Variants in ZNF783 observed in about 807,000 individuals in gnomAD.
The protein encoded by ZNF783 is protein ZNF783.
In ZNF783, 25 loss-of-function variants were observed where a neutral mutation model predicts 31.3. The observed-to-expected ratio is 0.80, with a 90% CI of 0.58 to 1.11. The LOEUF is 1.11. ZNF783 is among the 50% of genes most tolerant of loss of function. The pLI is 0.00. For synonymous variants in ZNF783, 369 were observed against 319.1 expected, an observed-to-expected ratio of 1.16 and a Z score of -1.66; for missense variants, 797 against 760.0, an observed-to-expected ratio of 1.05 and a Z score of -0.57.
intron 4 of ZNF783, among the ~76,000 whole-genome samples, chr7:149,268,605 C>T (rs1797141744): frequency 6.6e-6 from 1 of 152,198 alleles, no homozygotes; most frequent in Admixed American, 6.5e-5. Context: ...CTCTCTTTCC[C>T]TTCCCCCTGT....
chr7:149,263,300 G>A (rs968160408), intron 1 of ZNF783, among the ~76,000 whole-genome samples: 4,473 of 74,146 alleles, frequency 0.06, 147 homozygotes, highest in African/African-American at 0.14. Context: ...GTGTGTGTGT[G>A]TGTGTATATA....
At position 149,262,245 on chromosome 7, in the gene ZNF783, C is replaced by T. The variant is rs932388128; in HGVS notation, c.-89C>T. ...CAGTAGCTCTCAGGTTAGGCGGGTC[C>T]CGCTCCGCTTCCGCCGTCGCTGCCG... On this transcript the variant is annotated 5_prime_UTR_variant, in exon 1 of 6. Transcript: ENST00000434415. The T allele has an allele frequency of 6.5e-6, 8 of 1,228,470 alleles. No individual in the cohort carries two copies. The African/African-American group carries it at 8.0e-5, about 12-fold the overall frequency. The allele number at this position is 1,228,470 out of a possible 1,614,324, so 76.1% of individuals were successfully genotyped here.
Position 149,266,382 on chromosome 7 carries a change from C to G in ZNF783, c.72C>G (p.Pro24=). The G allele has an allele frequency of 6.3e-7, 1 of 1,599,150 alleles. No individual in the cohort carries two copies. Among genetic ancestry groups the G allele is most frequent in the South Asian group, 1.1e-5 (1 of 90,942 alleles). The change falls in exon 2 of 6, where the codon CCC becomes CCG. Residue 24 remains proline, a synonymous_variant. Transcript: ENST00000434415. ...CAGAGGACCAGAGTCCTTCGACACC[C>G]TTGCCCCAGCCAGCTGCTGAGAAGA... The part of the protein sequence containing the change: ...KHTEDQSPST[P]LPQPAAEKNS...
intron 4 of ZNF783, 39 bp downstream of exon 4, chr7:149,267,261 G>A (rs769696600): frequency 2.0e-5 from 31 of 1,548,236 alleles, no homozygotes; most frequent in Non-Finnish European, 2.7e-5. Context: ...GGGCCGCCAG[G>A]GGCTAGCTGC....
In ZNF783 at chr7:149,262,333, C is replaced by T; in HGVS notation, c.-1C>T. On this transcript the variant is annotated 5_prime_UTR_variant, in exon 1 of 6. Coordinates refer to ENST00000434415, the MANE Select transcript of ZNF783 (RefSeq NM_001195220.2). Reference sequence around the variant, plus strand: ...CAACCCAGCGAGGGACGCGGGCAGCCATGGCCGAAGCGGCGCCTGCCCGGG... The same window carrying T: ...CAACCCAGCGAGGGACGCGGGCAGCTATGGCCGAAGCGGCGCCTGCCCGGG... 1 of 1,344,926 alleles carries T rather than the reference C, an allele frequency of 7.4e-7. No individual in the cohort carries two copies. The highest frequency in any genetic ancestry group is 1.7e-5 in the South Asian group (1 of 58,352). 83.3% of individuals were successfully genotyped at this position (1,344,926 alleles called of 1,614,324 possible). A position where few individuals can be genotyped will look rare whatever the true frequency, so the allele number is the denominator to read the frequency against.
At chr7:149,275,954 A>G (rs7791860) in intron 4 of ZNF783, 12,508 of 152,248 alleles carry the variant, frequency 0.082, 542 homozygotes, top group African/African-American at 0.11. Flanking sequence ...GAGTCGTGCA[A>G]TCATAGCTTA....
chr7:149,264,203 C>T (rs1797006323), intron 1 of ZNF783, among the ~76,000 whole-genome samples: 1 of 152,236 alleles, frequency 6.6e-6, no homozygotes, highest in African/African-American at 2.4e-5. Context: ...TTCATCTTCA[C>T]TGTACATTTA....
intron 4 of ZNF783, among the ~76,000 whole-genome samples, chr7:149,273,627 C>T (rs1797260059): frequency 6.6e-6 from 1 of 151,894 alleles, no homozygotes; most frequent in Non-Finnish European, 1.5e-5. Context: ...CTCACTGCAC[C>T]CGATTTCCTG....
At chr7:149,262,799 C>T (rs879668468) in intron 1 of ZNF783, among the ~76,000 whole-genome samples, 1 of 152,240 alleles carries the variant, frequency 6.6e-6, no homozygotes, top group Non-Finnish European at 1.5e-5. Flanking sequence ...AGCCTCACGC[C>T]GGGGCAGGGA....
Position 149,284,949 on chromosome 7 carries a change from C to G in ZNF783, c.*2606C>G, listed in dbSNP as rs890873390. 6.6e-6 allele frequency: 1 copy of G among 152,596 alleles called. No individual in the cohort carries two copies. Among genetic ancestry groups the G allele is most frequent in the Admixed American group, 6.5e-5 (1 of 15,294 alleles). The allele number at this position is 152,596 out of a possible 1,614,324, so 9.5% of individuals were successfully genotyped here. On this transcript the variant is annotated 3_prime_UTR_variant, in exon 6 of 6. Transcript: ENST00000434415. ...CAAGAGAACTGTGAAGGTGGTAGTC[C>G]CTTGCCCTAATTGGTGCTCAATAAA...
intron 4 of ZNF783, among the ~76,000 whole-genome samples, chr7:149,269,142 G>T (rs1408204479): frequency 4.6e-5 from 7 of 152,134 alleles, no homozygotes; most frequent in Admixed American, 4.6e-4. Flanking sequence ...TTGCCATTCT[G>T]ACTGGTGTGA....
At chr7:149,274,297 T>C (rs949402175) in intron 4 of ZNF783, among the ~76,000 whole-genome samples, 3 of 152,158 alleles carry the variant, frequency 2.0e-5, no homozygotes, top group African/African-American at 7.2e-5. Flanking sequence ...GGATATTCAG[T>C]TTTCCTGGCA....
chr7:149,263,272 G>A (rs1796981878), intron 1 of ZNF783, among the ~76,000 whole-genome samples: 1 of 51,078 alleles, frequency 2.0e-5, no homozygotes, highest in Admixed American at 2.0e-4. Flanking sequence ...ATACGTGTGT[G>A]TGTGTGTGTG....
intron 4 of ZNF783, chr7:149,275,888 T>C (rs550085644): frequency 6.6e-6 from 1 of 152,294 alleles, no homozygotes; most frequent in African/African-American, 2.4e-5. Flanking sequence ...CCTCCCAATA[T>C]TTAAAAAATT....
chr7:149,267,325 G>C, intron 4 of ZNF783, 103 bp downstream of exon 4: 1 of 1,453,552 alleles, frequency 6.9e-7, no homozygotes, highest in South Asian at 1.4e-5. Context: ...CAGGAAGGGA[G>C]CATAGACCAT....
In ZNF783 at chr7:149,283,471, C is replaced by T. The variant is rs1344232940; in HGVS notation, c.*1128C>T. 1 of 152,246 alleles carries T rather than the reference C, an allele frequency of 6.6e-6. No individual in the cohort carries two copies. Among genetic ancestry groups the T allele is most frequent in the African/African-American group, 2.4e-5 (1 of 41,434 alleles). 9.4% of individuals were successfully genotyped at this position (152,246 alleles called of 1,614,324 possible). On this transcript the variant is annotated 3_prime_UTR_variant, in exon 6 of 6. Coordinates refer to ENST00000434415, the MANE Select transcript of ZNF783 (RefSeq NM_001195220.2). ...CACGTCTCCCCAAGGGCTCAGTGTTCATGGGTGTGTAAGATCCATTGACTG... is the reference window on the plus strand; with the variant it reads ...CACGTCTCCCCAAGGGCTCAGTGTTTATGGGTGTGTAAGATCCATTGACTG...
rs750780039 is a variant in ZNF783 at position 149,266,375 on chromosome 7, C to T, written c.65C>T (p.Ser22Leu). Residue 22 changes from serine (S) to leucine (L), a missense_variant, in exon 2 of 6, where the codon TCG (serine) becomes TTG (leucine). Physicochemically the swap from Ser to Leu is moderately radical, Grantham distance 145 (BLOSUM62 -2). Coordinates refer to ENST00000434415, the MANE Select transcript of ZNF783 (RefSeq NM_001195220.2). ...TDKHTEDQSP[S>L]TPLPQPAAEK... ...AAGCACACAGAGGACCAGAGTCCTTCGACACCCTTGCCCCAGCCAGCTGCT... is the reference window on the plus strand; with the variant it reads ...AAGCACACAGAGGACCAGAGTCCTTTGACACCCTTGCCCCAGCCAGCTGCT... The T allele has an allele frequency of 2.5e-5, 40 of 1,597,722 alleles. 1 individual carries two copies. Among genetic ancestry groups the T allele is most frequent in the South Asian group, 6.6e-5 (6 of 90,710 alleles).
At chr7:149,270,278 G>A (rs978154457) in intron 4 of ZNF783, among the ~76,000 whole-genome samples, 1 of 152,104 alleles carries the variant, frequency 6.6e-6, no homozygotes, top group Non-Finnish European at 1.5e-5. Context: ...ACAGGTGCAC[G>A]CCACCATATC....
In ZNF783 at chr7:149,267,130, G is replaced by A. The variant is rs764676867; in HGVS notation, c.581G>A (p.Arg194Gln). ...YAISKPDILT[R>Q]IERGEEPCLD... ...ATCTCCAAACCAGACATCCTCACCC[G>A]GATAGAGAGGGGAGAGGAGCCTTGT... Residue 194 changes from arginine (R) to glutamine (Q), a missense_variant, in exon 4 of 6, where the codon CGG becomes CAG. By Grantham distance (43) the Arg-to-Gln change is conservative. Coordinates refer to ENST00000434415, the MANE Select transcript of ZNF783 (RefSeq NM_001195220.2). The A allele has an allele frequency of 1.8e-5, 28 of 1,599,524 alleles. No individual in the cohort carries two copies. Among genetic ancestry groups the A allele is most frequent in the East Asian group, 6.7e-5 (3 of 44,884 alleles).
Sources: allele counts gnomAD v4.1 joint callset (sites outside exome capture counted in the v4.1 genomes callset), GRCh38; gene constraint gnomAD v4.1.1; transcripts MANE v1.5; gene names NCBI Gene and HGNC (gene_info 2026-07-23, HGNC 2026-07-21).